The following UNC119B variants were observed in gnomAD, a reference collection of about 807,000 sequenced individuals.
The protein encoded by UNC119B is protein unc-119 homolog B.
UNC119B carries 16 observed loss-of-function variants against 23.4 expected under a neutral mutation model. That is an observed-to-expected ratio of 0.68 (90% CI 0.46 to 1.04). The LOEUF (loss-of-function observed/expected upper bound fraction) is 1.04, where lower values mean the gene tolerates loss of function less well. UNC119B is among the 50% of genes least tolerant of loss of function. UNC119B has a pLI of 0.00. For synonymous variants in UNC119B, 144 were observed against 145.4 expected (o/e 0.99, Z 0.07); for missense variants, 350 against 361.3 (o/e 0.97, Z 0.25).
intron 4 of UNC119B, among the ~76,000 whole-genome samples, chr12:120,718,239 T>A (rs1882821869): frequency 6.6e-6 from 1 of 152,150 alleles, no homozygotes; most frequent in African/African-American, 2.4e-5. Context: ...CTAAGGGAGA[T>A]AAAAGGAGGC....
rs886190933 is a variant in UNC119B at position 120,720,749 on chromosome 12, T to G, written c.*717T>G. On this transcript the variant is annotated 3_prime_UTR_variant, in exon 5 of 5. Transcript: ENST00000344651. Reference sequence around the variant, plus strand: ...CATTTTGGAGGACAGACAAGCTTGCTCCACATCTCCTGGCTCCTCCCTTCT... The same window carrying G: ...CATTTTGGAGGACAGACAAGCTTGCGCCACATCTCCTGGCTCCTCCCTTCT... 9 of 152,278 alleles carry G rather than the reference T, an allele frequency of 5.9e-5. No homozygotes were observed. Among genetic ancestry groups the G allele is most frequent in the African/African-American group, 1.9e-4 (8 of 41,466 alleles). 9.4% of individuals were successfully genotyped at this position (152,278 alleles called of 1,614,324 possible).
Position 120,720,152 on chromosome 12 carries a change from C to A in UNC119B, c.*120C>A. 2 of 729,946 alleles carry A rather than the reference C, an allele frequency of 2.7e-6. No homozygotes were observed. The highest frequency in any genetic ancestry group is 2.3e-6 in the Non-Finnish European group (1 of 439,744). 45.2% of individuals were successfully genotyped at this position (729,946 alleles called of 1,614,324 possible). A position where few individuals can be genotyped will look rare whatever the true frequency, so the allele number is the denominator to read the frequency against. ...GGAACCTGGCCCCAGGAAGCCAAGG[C>A]TGGGGTGGCAGTTTCCTGCGCGCCA... On this transcript the variant is annotated 3_prime_UTR_variant, in exon 5 of 5. Transcript: ENST00000344651.
chr12:120,716,273 A>T (rs1471283596), intron 2 of UNC119B, among the ~76,000 whole-genome samples: 9 of 152,288 alleles, frequency 5.9e-5, no homozygotes, highest in Non-Finnish European at 2.9e-5. Context: ...TCAAACTATT[A>T]AAAAAGGCTA....
intron 2 of UNC119B, among the ~76,000 whole-genome samples, chr12:120,715,717 G>A (rs147142627): frequency 1.3e-5 from 2 of 151,990 alleles, no homozygotes; most frequent in Non-Finnish European, 2.9e-5. Flanking sequence ...ATTTTTAGTA[G>A]AGACAGGGTT....
rs778258878 is a variant in UNC119B, at chr12:120,716,740, G to A, written c.470+1G>A. ...TCCGCCTCCGGACAGTCGGGGCTAC[G>A]TGAGTACCATTACTACCTGAGGGGA... On this transcript the variant is annotated splice_donor_variant, in intron 3 of 4. Coordinates refer to ENST00000344651, the MANE Select transcript of UNC119B (RefSeq NM_001080533.3). LOFTEE classifies it high-confidence loss of function. The A allele has an allele frequency of 7.1e-5, 114 of 1,613,754 alleles. No homozygotes were observed. The highest frequency in any genetic ancestry group is 9.3e-5 in the Non-Finnish European group (110 of 1,179,762).
intron 4 of UNC119B, 38 bp downstream of exon 4, chr12:120,717,080 G>T: frequency 5.2e-6 from 8 of 1,525,850 alleles, no homozygotes; most frequent in South Asian, 1.3e-5. Flanking sequence ...TCTAGATTCT[G>T]AGGGCTACAA....
chr12:120,710,555 G>GA lies in UNC119B; in HGVS notation c.83dup (p.Lys29GlufsTer58), dbSNP rs1248186616. The GA allele has an allele frequency of 9.3e-6, 13 of 1,393,666 alleles. No homozygotes were observed. In the Admixed American group the frequency reaches 4.1e-4, roughly 44 times the overall value. 86.3% of individuals were successfully genotyped at this position (1,393,666 alleles called of 1,614,324 possible). ...GGCTGGTGGCTGGCAAGGAGGAGAA[G>GA]AAGAAGGCGGGCGGCGGCGTCCTGA... On this transcript the variant is annotated frameshift_variant, in exon 1 of 5. Transcript: ENST00000344651. LOFTEE classifies it high-confidence loss of function.
intron 1 of UNC119B, 126 bp from the exon 2 acceptor site, chr12:120,713,147 GT>G: frequency 1.5e-6 from 1 of 677,018 alleles, no homozygotes; most frequent in East Asian, 2.8e-5. Context: ...ACATGAGAAA[GT>G]TTTTGGGAGT....
chr12:120,712,298 C>T (rs112006916), intron 1 of UNC119B, among the ~76,000 whole-genome samples: 7 of 152,286 alleles, frequency 4.6e-5, no homozygotes, highest in African/African-American at 1.7e-4. Context: ...GCCTTTTTAG[C>T]AGTTACAGAA....
chr12:120,712,138 A>G (rs370422005), intron 1 of UNC119B, among the ~76,000 whole-genome samples: 1 of 152,186 alleles, frequency 6.6e-6, no homozygotes. Context: ...CTCAGATCCT[A>G]TCTGGGGGCT....
At chr12:120,718,828 A>G (rs1882833126) in intron 4 of UNC119B, among the ~76,000 whole-genome samples, 2 of 152,236 alleles carry the variant, frequency 1.3e-5, no homozygotes. Context: ...TGAAAACCAG[A>G]TAACCTTTAA....
At position 120,722,545 on chromosome 12, in the gene UNC119B, T is replaced by C. The variant is rs1882935599; in HGVS notation, c.*2513T>C. On this transcript the variant is annotated 3_prime_UTR_variant, in exon 5 of 5. Coordinates refer to ENST00000344651, the MANE Select transcript of UNC119B (RefSeq NM_001080533.3). ...TTGATAGCAGTTACCTTGTGGGTGATACAATGGGAGGCGGCAAAAAAACTA... is the reference window on the plus strand; with the variant it reads ...TTGATAGCAGTTACCTTGTGGGTGACACAATGGGAGGCGGCAAAAAAACTA... 4 of 152,260 alleles carry C rather than the reference T, an allele frequency of 2.6e-5. No homozygotes were observed. The highest frequency in any genetic ancestry group is 9.6e-5 in the African/African-American group (4 of 41,458). 9.4% of individuals were successfully genotyped at this position (152,260 alleles called of 1,614,324 possible). A position where few individuals can be genotyped will look rare whatever the true frequency, so the allele number is the denominator to read the frequency against.
At chr12:120,710,926 C>T in intron 1 of UNC119B, 1 of 411,158 alleles carries the variant, frequency 2.4e-6, no homozygotes, top group Non-Finnish European at 3.9e-6. Context: ...GGCTGGACCG[C>T]ATTCCTGTGA....
chr12:120,710,465 C>T lies in UNC119B; in HGVS notation c.-10C>T. 3.1e-6 allele frequency: 4 copies of T among 1,283,464 alleles called. No homozygotes were observed. Among genetic ancestry groups the T allele is most frequent in the Non-Finnish European group, 3.9e-6 (4 of 1,016,428 alleles). 79.5% of individuals were successfully genotyped at this position (1,283,464 alleles called of 1,614,324 possible). A position where few individuals can be genotyped will look rare whatever the true frequency, so the allele number is the denominator to read the frequency against. ...GCTGTGGAGGCGGCGGCCATCTTGG[C>T]GGCGGAGCGATGAGCGGGTCTAACC... On this transcript the variant is annotated 5_prime_UTR_variant, in exon 1 of 5. Coordinates refer to ENST00000344651, the MANE Select transcript of UNC119B (RefSeq NM_001080533.3).
Position 120,723,628 on chromosome 12 carries a change from G to T in UNC119B, c.*3596G>T, listed in dbSNP as rs1238605281. ...CCACATGAGACAGTAATAAAAGAAA[G>T]ATTTTCACAGTACGTCTCCCTCGTC... On this transcript the variant is annotated 3_prime_UTR_variant, in exon 5 of 5. Transcript: ENST00000344651. 6.6e-6 allele frequency: 1 copy of T among 152,068 alleles called. No individual in the cohort carries two copies. The highest frequency in any genetic ancestry group is 1.5e-5 in the Non-Finnish European group (1 of 68,020). 9.4% of individuals were successfully genotyped at this position (152,068 alleles called of 1,614,324 possible). A position where few individuals can be genotyped will look rare whatever the true frequency, so the allele number is the denominator to read the frequency against.
chr12:120,714,361 C>G (rs2136930021), intron 2 of UNC119B, among the ~76,000 whole-genome samples: 1 of 152,072 alleles, frequency 6.6e-6, no homozygotes, highest in African/African-American at 2.4e-5. Flanking sequence ...TGGTCTGTCA[C>G]CCAGGCTGGC....
At chr12:120,715,690 C>T (rs770724835) in intron 2 of UNC119B, among the ~76,000 whole-genome samples, 2 of 152,050 alleles carry the variant, frequency 1.3e-5, no homozygotes, top group East Asian at 1.9e-4. Context: ...TGCGCCACCA[C>T]GCTGGGCTAA....
At chr12:120,712,884 G>A (rs1882698089) in intron 1 of UNC119B, among the ~76,000 whole-genome samples, 1 of 152,178 alleles carries the variant, frequency 6.6e-6, no homozygotes, top group African/African-American at 2.4e-5. Context: ...GCAAACTAAC[G>A]TTGGCAAACT....
In UNC119B at chr12:120,710,708, G is replaced by A. The variant is rs1882644708; in HGVS notation, c.234G>A (p.Arg78=). ...IRPEHVLRLS[R]VTENYLCKPE... Reference sequence around the variant, plus strand: ...CCGAGCACGTCCTGCGCCTCAGCCGGGTCACCGAGAGTGAGTGCCGCGCGG... The same window carrying A: ...CCGAGCACGTCCTGCGCCTCAGCCGAGTCACCGAGAGTGAGTGCCGCGCGG... Residue 78 remains arginine, a synonymous_variant, in exon 1 of 5, where the codon CGG becomes CGA. Coordinates refer to ENST00000344651, the MANE Select transcript of UNC119B (RefSeq NM_001080533.3). The A allele has an allele frequency of 7.0e-7, 1 of 1,424,840 alleles. No homozygotes were observed. The highest frequency in any genetic ancestry group is 9.2e-7 in the Non-Finnish European group (1 of 1,092,204). The allele number at this position is 1,424,840 out of a possible 1,614,324, so 88.3% of individuals were successfully genotyped here.
Sources: allele counts gnomAD v4.1 joint callset (sites outside exome capture counted in the v4.1 genomes callset), GRCh38; gene constraint gnomAD v4.1.1; transcripts MANE v1.5; gene names NCBI Gene and HGNC (gene_info 2026-07-23, HGNC 2026-07-21).